The following PRR14L variants were observed in gnomAD, a reference collection of about 807,000 sequenced individuals.
PRR14L encodes protein PRR14L.
PRR14L carries 80 observed loss-of-function variants against 155.0 expected under a neutral mutation model. The observed-to-expected ratio is 0.52, with a 90% CI of 0.43 to 0.62. The LOEUF (loss-of-function observed/expected upper bound fraction) is 0.62, where lower values mean the gene tolerates loss of function less well. Among genes scored for constraint, PRR14L ranks in the 20% least tolerant of loss-of-function variants. The pLI is 0.00. For missense variants in PRR14L, 2,469 were observed against 2,548.0 expected (o/e 0.97, Z 0.67); for synonymous variants, 883 against 916.0 (o/e 0.96, Z 0.65).
chr22:31,741,187 A>C (rs1409619238), intron 1 of PRR14L, among the ~76,000 whole-genome samples: 1 of 140,852 alleles, frequency 7.1e-6, no homozygotes, highest in African/African-American at 2.7e-5. Context: ...CGGGAGGCGG[A>C]GCTTGCAGTG....
chr22:31,748,144 A>C (rs769652907), intron 1 of PRR14L, among the ~76,000 whole-genome samples: 1 of 152,188 alleles, frequency 6.6e-6, no homozygotes, highest in Non-Finnish European at 1.5e-5. Context: ...AGGCCCTCAG[A>C]AGCTCACAAC....
chr22:31,749,692 G>T (rs2074861430), intron 1 of PRR14L, among the ~76,000 whole-genome samples: 1 of 152,218 alleles, frequency 6.6e-6, no homozygotes, highest in African/African-American at 2.4e-5. Context: ...GATAAGGGGC[G>T]TCGTCCTCTC....
Position 31,703,556 on chromosome 22 carries a change from C to G in PRR14L, c.5994G>C (p.Gln1998His). The G allele has an allele frequency of 6.2e-7, 1 of 1,612,640 alleles. No homozygotes were observed. The highest frequency in any genetic ancestry group is 8.5e-7 in the Non-Finnish European group (1 of 1,179,362). The change falls in exon 6 of 9, where the codon CAG (glutamine) becomes CAC (histidine). Residue 1998 changes from glutamine to histidine, a missense_variant. Around this residue, in one of 2 missense-constraint regions of PRR14L, gnomAD observed 2,363 missense variants for 2,371.6 expected, o/e 1.00. Transcript: ENST00000327423. Reference sequence around the variant, plus strand: ...ACCAGCACTTTACACTTACCTCTTTCTGTTCTGGGGGGCTGCTCTGTGGGC... The same window carrying G: ...ACCAGCACTTTACACTTACCTCTTTGTGTTCTGGGGGGCTGCTCTGTGGGC... ...CPCPQSSPPEQKEAEPEKRPK... is the reference protein window; with the variant it reads ...CPCPQSSPPEHKEAEPEKRPK...
At chr22:31,691,237 G>GA (rs2074510262) in intron 7 of PRR14L, among the ~76,000 whole-genome samples, 1 of 152,104 alleles carries the variant, frequency 6.6e-6, no homozygotes, top group African/African-American at 2.4e-5. Flanking sequence ...ATAGTGCTGG[G>GA]ATCACAGGCA....
intron 2 of PRR14L, among the ~76,000 whole-genome samples, chr22:31,735,923 G>A (rs1428673489): frequency 2.6e-5 from 4 of 151,734 alleles, no homozygotes; most frequent in Non-Finnish European, 5.9e-5. Context: ...CATGGTGGCA[G>A]GCACCTGTAG....
At chr22:31,739,573 C>A (rs1205863326) in intron 1 of PRR14L, among the ~76,000 whole-genome samples, 1 of 152,206 alleles carries the variant, frequency 6.6e-6, no homozygotes, top group Admixed American at 6.5e-5. Context: ...AGTCATCACT[C>A]ATTTGATTCT....
intron 7 of PRR14L, among the ~76,000 whole-genome samples, chr22:31,688,895 T>TACACACACACACACACAC (rs1170285977): frequency 1.5e-5 from 2 of 136,284 alleles, no homozygotes; most frequent in African/African-American, 6.0e-5. Flanking sequence ...TTAAAAAATA[T>TACACACACACACACACAC]ATACATACAC....
intron 3 of PRR14L, 125 bp downstream of exon 3, chr22:31,725,413 A>G (rs1047201611): frequency 1.5e-6 from 1 of 662,658 alleles, no homozygotes; most frequent in Admixed American, 2.5e-5. Context: ...TACAGTTTCT[A>G]TAGTTAAGTA....
At chr22:31,749,136 G>T (rs768498099) in intron 1 of PRR14L, among the ~76,000 whole-genome samples, 6 of 152,166 alleles carry the variant, frequency 3.9e-5, no homozygotes, top group Non-Finnish European at 5.9e-5. Context: ...CCCTTAGCCC[G>T]CATGACAATT....
Position 31,716,056 on chromosome 22 carries a change from C to T in PRR14L, c.1783G>A (p.Ala595Thr). ...SEVLKPKQGT[A>T]LLLPSPEFDY... is the part of the protein sequence containing the mutation. The stretch of plus-strand genomic sequence containing the variant: ...AATTCTGGGGATGGTAGCAACAGAG[C>T]AGTACCTTGCTTGGGTTTTAATACC... The change falls in exon 4 of 9, where the codon GCT becomes ACT. Residue 595 changes from alanine (A) to threonine (T), a missense_variant. Around this residue, in one of 2 missense-constraint regions of PRR14L, gnomAD observed 2,363 missense variants for 2,371.6 expected, o/e 1.00. Coordinates refer to ENST00000327423, the MANE Select transcript of PRR14L (RefSeq NM_173566.3). The T allele has an allele frequency of 6.4e-7, 1 of 1,550,698 alleles. No individual in the cohort carries two copies. The highest frequency in any genetic ancestry group is 8.7e-7 in the Non-Finnish European group (1 of 1,146,918).
rs1338033444 is a variant in PRR14L, at chr22:31,713,192, A to G, written c.4647T>C (p.Phe1549=). 3 of 1,551,886 alleles carry G rather than the reference A, an allele frequency of 1.9e-6. No individual in the cohort carries two copies. The Admixed American group carries it at 5.9e-5, about 30-fold the overall frequency. Residue 1549 remains phenylalanine, a synonymous_variant, in exon 4 of 9, where the codon TTT becomes TTC. Coordinates refer to ENST00000327423, the MANE Select transcript of PRR14L (RefSeq NM_173566.3). The part of the protein sequence containing the change: ...RKIGKIRSSA[F]LKSSSNPIPT... ...GGATGGGATTGGAAGAACTCTTTAA[A>G]AAGGCAGAACTTCTGATTTTACCTA...
chr22:31,689,742 T>C (rs1232149050), intron 7 of PRR14L, among the ~76,000 whole-genome samples: 1 of 151,112 alleles, frequency 6.6e-6, no homozygotes, highest in African/African-American at 2.4e-5. Context: ...GCTTATTTTT[T>C]TATTTTATTT....
chr22:31,725,458 T>C (rs1003635947), intron 3 of PRR14L, 80 bp downstream of exon 3: 1 of 935,250 alleles, frequency 1.1e-6, no homozygotes, highest in African/African-American at 1.6e-5. Flanking sequence ...ACCCTTATAT[T>C]CTCAATGCAA....
chr22:31,719,993 C>T (rs184170772), intron 3 of PRR14L, among the ~76,000 whole-genome samples: 2 of 152,278 alleles, frequency 1.3e-5, no homozygotes, highest in Admixed American at 1.3e-4. Context: ...GCCTCAGCCT[C>T]TCAAAGTGCT....
intron 3 of PRR14L, among the ~76,000 whole-genome samples, chr22:31,720,884 T>C (rs1431268974): frequency 6.6e-6 from 1 of 152,216 alleles, no homozygotes; most frequent in Admixed American, 6.5e-5. Flanking sequence ...TAAGTCTTCA[T>C]GGAAATCACT....
rs1347975473 is a variant in PRR14L at position 31,713,220 on chromosome 22, T to C, written c.4619A>G (p.Lys1540Arg). The stretch of plus-strand genomic sequence containing the variant: ...GGCAGAACTTCTGATTTTACCTATT[T>C]TTCTCCCAACAATGATTTGCTCCTG... ...SYQEQIIVGR[K>R]IGKIRSSAFL... Residue 1540 changes from lysine (K) to arginine (R), a missense_variant, in exon 4 of 9, where the codon AAA becomes AGA. Physicochemically the swap from Lys to Arg is conservative, Grantham distance 26. This residue lies in a region of PRR14L where 2,363 missense variants were observed against 2,371.6 expected (regional missense o/e 1.00). Transcript: ENST00000327423. 1.3e-6 allele frequency: 2 copies of C among 1,551,834 alleles called. No homozygotes were observed. The highest frequency in any genetic ancestry group is 4.9e-5 in the East Asian group (2 of 40,940).
At chr22:31,741,128 C>T (rs2074810723) in intron 1 of PRR14L, among the ~76,000 whole-genome samples, 1 of 151,950 alleles carries the variant, frequency 6.6e-6, no homozygotes, top group South Asian at 2.1e-4. Context: ...TGGCGCGCGC[C>T]TGTGGTCCCA....
At chr22:31,730,430 C>A (rs1389226868) in intron 2 of PRR14L, among the ~76,000 whole-genome samples, 4 of 152,020 alleles carry the variant, frequency 2.6e-5, no homozygotes, top group South Asian at 4.1e-4. Context: ...GGCTACAGAG[C>A]GAGACTCCGT....
intron 1 of PRR14L, among the ~76,000 whole-genome samples, chr22:31,744,020 TAAA>T (rs750855516): frequency 3.0e-5 from 4 of 131,756 alleles, no homozygotes. Flanking sequence ...GCTCATTCAT[TAAA>T]AAAAAAAAAA....
Sources: gnomAD v4.1 joint callset for allele counts (sites outside exome capture counted in the v4.1 genomes callset) on GRCh38, gnomAD v4.1.1 for gene constraint, gnomAD v4.1.1 regional missense constraint, MANE v1.5 for transcripts, NCBI Gene and HGNC (gene_info 2026-07-23, HGNC 2026-07-21) for gene names.